SCAF8: variants seen among roughly 807,000 people sequenced by gnomAD.
The protein encoded by SCAF8 is SR-related CTD associated factor 8, also known as SR-related and CTD-associated factor 8.
A neutral mutation model predicts 140.5 loss-of-function variants in SCAF8; 23 were observed. That is an observed-to-expected ratio of 0.16 (90% CI 0.12 to 0.23). The LOEUF (loss-of-function observed/expected upper bound fraction) is 0.23. Among genes scored for constraint, SCAF8 ranks in the 10% least tolerant of loss-of-function variants. The pLI is 1.00. For missense variants in SCAF8, 1,397 were observed against 1,555.7 expected, an observed-to-expected ratio of 0.90 and a Z score of 1.72; for synonymous variants, 575 against 528.9, an observed-to-expected ratio of 1.09 and a Z score of -1.20.
intron 1 of SCAF8, among the ~76,000 whole-genome samples, chr6:154,736,619 A>G (rs1778428898): frequency 6.6e-6 from 1 of 152,188 alleles, no homozygotes; most frequent in Non-Finnish European, 1.5e-5. Context: ...GATGTAAACA[A>G]GTGGTTAGTG....
At chr6:154,802,451 A>G (rs1394558494) in intron 7 of SCAF8, among the ~76,000 whole-genome samples, 4 of 151,946 alleles carry the variant, frequency 2.6e-5, no homozygotes, top group Admixed American at 1.3e-4. Flanking sequence ...GTGAAACCCC[A>G]TCTCTATTAA....
At chr6:154,801,103 G>A (rs1034203275) in intron 6 of SCAF8, among the ~76,000 whole-genome samples, 1 of 151,456 alleles carries the variant, frequency 6.6e-6, no homozygotes, top group African/African-American at 2.4e-5. Flanking sequence ...GTTAAAAAGT[G>A]TAAAGGGGAA....
At chr6:154,790,890 C>G (rs1669040397) in intron 4 of SCAF8, among the ~76,000 whole-genome samples, 1 of 151,974 alleles carries the variant, frequency 6.6e-6, no homozygotes, top group South Asian at 2.1e-4. Context: ...GTAACTAGGA[C>G]TTAGTACTTG....
chr6:154,804,617 G>T (rs1777862057), intron 8 of SCAF8, among the ~76,000 whole-genome samples: 2 of 152,056 alleles, frequency 1.3e-5, no homozygotes, highest in Admixed American at 6.6e-5. Flanking sequence ...AATTTACTCC[G>T]CTATCTTTAG....
intron 3 of SCAF8, among the ~76,000 whole-genome samples, chr6:154,783,726 A>G (rs538672192): frequency 5.8e-4 from 88 of 152,302 alleles, no homozygotes; most frequent in African/African-American, 2.0e-3. Context: ...CGAAACATTT[A>G]TTCTTCTCTT....
chr6:154,796,616 G>A (rs1562451029), intron 6 of SCAF8, among the ~76,000 whole-genome samples: 1 of 151,988 alleles, frequency 6.6e-6, no homozygotes, highest in Non-Finnish European at 1.5e-5. Context: ...ACCTTTTTCT[G>A]TATTCTGTGC....
At chr6:154,734,934 C>T (rs1425006615) in intron 1 of SCAF8, among the ~76,000 whole-genome samples, 4 of 152,024 alleles carry the variant, frequency 2.6e-5, no homozygotes, top group African/African-American at 9.7e-5. Context: ...ACCAGCCTGG[C>T]CAACGTGGTG....
chr6:154,771,865 C>G, intron 1 of SCAF8, among the ~76,000 whole-genome samples: 1 of 152,042 alleles, frequency 6.6e-6, no homozygotes, highest in South Asian at 2.1e-4. Flanking sequence ...CATGTACCCC[C>G]GAATTCTAAA....
chr6:154,823,614 A>G (rs1413045575), intron 16 of SCAF8, among the ~76,000 whole-genome samples: 2 of 152,216 alleles, frequency 1.3e-5, no homozygotes, highest in African/African-American at 4.8e-5. Flanking sequence ...TAGAGTTACC[A>G]TTATCTGAGA....
intron 1 of SCAF8, among the ~76,000 whole-genome samples, chr6:154,750,714 A>G (rs1424217741): frequency 2.0e-5 from 3 of 152,210 alleles, no homozygotes; most frequent in Admixed American, 1.3e-4. Context: ...TCTTAGTTAC[A>G]TAATTCTTTG....
At chr6:154,746,074 C>T (rs1013616868) in intron 1 of SCAF8, among the ~76,000 whole-genome samples, 2 of 152,058 alleles carry the variant, frequency 1.3e-5, no homozygotes, top group African/African-American at 4.8e-5. Flanking sequence ...TTAGTCGAGT[C>T]GAGGTTTTGC....
intron 1 of SCAF8, among the ~76,000 whole-genome samples, chr6:154,754,557 A>G (rs1778918154): frequency 2.6e-5 from 4 of 152,232 alleles, no homozygotes; most frequent in Admixed American, 2.6e-4. Context: ...TATCAATCTT[A>G]TCAGGCCATT....
chr6:154,766,385 G>A (rs918363689), intron 1 of SCAF8, among the ~76,000 whole-genome samples: 9 of 152,050 alleles, frequency 5.9e-5, no homozygotes, highest in Admixed American at 1.3e-4. Context: ...TTCTTCCACC[G>A]TTGGCTTTAA....
chr6:154,757,357 C>G (rs1244642112), intron 1 of SCAF8, among the ~76,000 whole-genome samples: 1 of 152,132 alleles, frequency 6.6e-6, no homozygotes, highest in Non-Finnish European at 1.5e-5. Flanking sequence ...GATTGCAAAA[C>G]TTGTCAAAAG....
chr6:154,770,413 C>G (rs922812052), intron 1 of SCAF8, among the ~76,000 whole-genome samples: 3 of 94,208 alleles, frequency 3.2e-5, no homozygotes, highest in African/African-American at 8.6e-5. Context: ...CTCTCTCTCT[C>G]TCTCTCTCTC....
intron 1 of SCAF8, among the ~76,000 whole-genome samples, chr6:154,736,265 CTTTTTTTTT>C (rs71021071): frequency 8.3e-4 from 65 of 78,444 alleles, no homozygotes; most frequent in African/African-American, 3.7e-3. Context: ...CCATCCAAGA[CTTTTTTTTT>C]TTTTTTTTTT....
intron 1 of SCAF8, among the ~76,000 whole-genome samples, chr6:154,762,528 A>G (rs185024926): frequency 2.6e-5 from 4 of 152,268 alleles, no homozygotes; most frequent in Admixed American, 2.0e-4. Flanking sequence ...GGTCCCACCC[A>G]TACTGAAGGA....
At chr6:154,811,091 C>A (rs2114651290) in intron 12 of SCAF8, among the ~76,000 whole-genome samples, 1 of 152,262 alleles carries the variant, frequency 6.6e-6, no homozygotes, top group South Asian at 2.1e-4. Context: ...GGCTATCTTG[C>A]ATGAATTTTA....
chr6:154,804,909 A>G (rs1777869616), intron 8 of SCAF8, among the ~76,000 whole-genome samples: 1 of 152,124 alleles, frequency 6.6e-6, no homozygotes, highest in African/African-American at 2.4e-5. Flanking sequence ...TGATTTTCTA[A>G]AGGAAGAATA....
Sources: gnomAD v4.1 joint callset for allele counts (sites outside exome capture counted in the v4.1 genomes callset) on GRCh38, gnomAD v4.1.1 for gene constraint, MANE v1.5 for transcripts, NCBI Gene and HGNC (gene_info 2026-07-23, HGNC 2026-07-21) for gene names.